Variants in VRK2 observed in about 807,000 individuals in gnomAD.
The protein encoded by VRK2 is serine/threonine-protein kinase VRK2.
A neutral mutation model predicts 57.6 loss-of-function variants in VRK2; 60 were observed. The ratio of observed to expected loss-of-function variants is 1.04; its 90% CI spans 0.85 to 1.29. VRK2 has a LOEUF of 1.29. VRK2 is among the 50% of genes most tolerant of loss of function. VRK2 has a pLI of 0.00. For synonymous variants in VRK2, 231 were observed against 199.2 expected (o/e 1.16, Z -1.35); for missense variants, 705 against 588.1 (o/e 1.20, Z -2.06).
chr2:57,950,853 A>G (rs59213921), intron 1 of VRK2, among the ~76,000 whole-genome samples: 10,264 of 152,040 alleles, frequency 0.068, 1,136 homozygotes, highest in African/African-American at 0.23. Flanking sequence ...CAGCACTTTG[A>G]GAGGCTGAGG....
intron 5 of VRK2, among the ~76,000 whole-genome samples, 154 bp from the exon 6 acceptor site, chr2:58,088,187 G>C (rs1671899427): frequency 6.6e-6 from 1 of 152,208 alleles, no homozygotes. Context: ...CAAAAGAATA[G>C]CAGAATTATG....
chr2:57,934,315 C>T (rs992097107), intron 1 of VRK2, among the ~76,000 whole-genome samples: 3 of 152,122 alleles, frequency 2.0e-5, no homozygotes, highest in Admixed American at 2.0e-4. Context: ...TAAGACATGT[C>T]TAATGGTGAT....
intron 2 of VRK2, 111 bp downstream of exon 2, chr2:58,049,078 A>G: frequency 7.5e-7 from 1 of 1,327,184 alleles, no homozygotes; most frequent in Admixed American, 2.5e-5. Flanking sequence ...TACTTTATTA[A>G]AATTCATGAT....
chr2:58,036,373 T>C (rs1674273362), intron 3 of VRK2, among the ~76,000 whole-genome samples: 1 of 151,970 alleles, frequency 6.6e-6, no homozygotes. Context: ...AGGATCTTTT[T>C]AAAAAAATGA....
At chr2:57,912,635 T>C (rs1202600553) in intron 1 of VRK2, among the ~76,000 whole-genome samples, 1 of 152,096 alleles carries the variant, frequency 6.6e-6, no homozygotes, top group East Asian at 1.9e-4. Flanking sequence ...TATGGTTTAG[T>C]TGGATATTTG....
chr2:58,137,204 C>CATATATATGATACATGTATCAT (rs1301654797), intron 10 of VRK2, among the ~76,000 whole-genome samples: 2 of 16,086 alleles, frequency 1.2e-4, no homozygotes, highest in African/African-American at 3.8e-4. Context: ...ATATATATCT[C>CATATATATGATACATGTATCAT]ATATATGATA....
intron 1 of VRK2, among the ~76,000 whole-genome samples, chr2:57,960,723 T>G (rs1376781902): frequency 2.0e-5 from 3 of 152,188 alleles, no homozygotes; most frequent in African/African-American, 7.2e-5. Context: ...GCAAAGTAGA[T>G]TAAAGCGGAA....
intron 1 of VRK2, among the ~76,000 whole-genome samples, chr2:57,962,820 T>A (rs1251120937): frequency 6.6e-6 from 1 of 152,232 alleles, no homozygotes; most frequent in African/African-American, 2.4e-5. Flanking sequence ...TTCAAAGTAT[T>A]TCACTGGAGG....
chr2:57,951,948 A>G (rs1452756124), intron 1 of VRK2, among the ~76,000 whole-genome samples: 1 of 138,204 alleles, frequency 7.2e-6, no homozygotes, highest in Non-Finnish European at 1.5e-5. Flanking sequence ...TTTTTAAGAG[A>G]GGAGGTCTCA....
chr2:58,119,402 G>C (rs1221386392), intron 7 of VRK2, among the ~76,000 whole-genome samples: 3 of 150,864 alleles, frequency 2.0e-5, no homozygotes, highest in Non-Finnish European at 3.0e-5. Context: ...TCTGGAACTT[G>C]GGAGGCGGAG....
intron 1 of VRK2, among the ~76,000 whole-genome samples, chr2:57,923,849 CA>C (rs1670438736): frequency 6.6e-6 from 1 of 151,794 alleles, no homozygotes; most frequent in African/African-American, 2.4e-5. Context: ...TTAGTAGTTT[CA>C]GTTTCAGTTC....
At chr2:58,097,283 C>G (rs192787209) in intron 7 of VRK2, among the ~76,000 whole-genome samples, 1 of 150,140 alleles carries the variant, frequency 6.7e-6, no homozygotes, top group South Asian at 2.1e-4. Flanking sequence ...TAGTGTTTCT[C>G]TCTGTCTCCT....
intron 1 of VRK2, among the ~76,000 whole-genome samples, chr2:57,952,578 T>C (rs190022181): frequency 6.6e-6 from 1 of 152,230 alleles, no homozygotes; most frequent in Admixed American, 6.5e-5. Context: ...AACATACATA[T>C]CCTTACCTGG....
intron 7 of VRK2, among the ~76,000 whole-genome samples, chr2:58,091,029 A>C (rs1469098193): frequency 6.6e-6 from 1 of 152,186 alleles, no homozygotes; most frequent in Non-Finnish European, 1.5e-5. Flanking sequence ...TAAAAAGATC[A>C]ATTTTTTACT....
intron 1 of VRK2, among the ~76,000 whole-genome samples, chr2:57,968,344 A>C (rs999054108): frequency 6.6e-6 from 1 of 152,108 alleles, no homozygotes; most frequent in African/African-American, 2.4e-5. Context: ...AGAAAAAAGC[A>C]TCTCTCTCAT....
chr2:58,080,872 GAT>G (rs1670764498), intron 2 of VRK2, among the ~76,000 whole-genome samples: 1 of 151,730 alleles, frequency 6.6e-6, no homozygotes, highest in African/African-American at 2.4e-5. Flanking sequence ...TCAAATCTAA[GAT>G]ATTATGTACA....
At chr2:57,982,760 G>GT (rs1390757088) in intron 1 of VRK2, among the ~76,000 whole-genome samples, 1 of 152,144 alleles carries the variant, frequency 6.6e-6, no homozygotes, top group East Asian at 1.9e-4. Flanking sequence ...AACTATCCAG[G>GT]TCTGGCAGCC....
At chr2:58,085,908 G>GC (rs1045358003) in intron 4 of VRK2, among the ~76,000 whole-genome samples, 3 of 145,434 alleles carry the variant, frequency 2.1e-5, no homozygotes, top group African/African-American at 7.6e-5. Flanking sequence ...TGGTTTTTCT[G>GC]CCCAATTTCT....
At chr2:57,967,308 G>C (rs188887933) in intron 1 of VRK2, among the ~76,000 whole-genome samples, 2 of 151,944 alleles carry the variant, frequency 1.3e-5, no homozygotes, top group African/African-American at 4.8e-5. Context: ...AACCACCATG[G>C]TACATGTATA....
Sources: gnomAD v4.1 joint callset for allele counts (sites outside exome capture counted in the v4.1 genomes callset) on GRCh38, gnomAD v4.1.1 for gene constraint, MANE v1.5 for transcripts, NCBI Gene and HGNC (gene_info 2026-07-23, HGNC 2026-07-21) for gene names.